Variants in DAB1 observed in about 807,000 individuals in gnomAD.
The protein encoded by DAB1 is disabled homolog 1.
A neutral mutation model predicts 64.6 loss-of-function variants in DAB1; 15 were observed. That is an observed-to-expected ratio of 0.23 (90% confidence interval 0.16 to 0.36). The LOEUF (loss-of-function observed/expected upper bound fraction) is 0.36. Among genes scored for constraint, DAB1 ranks in the 10% least tolerant of loss-of-function variants. DAB1 has a pLI of 1.00. For missense variants in DAB1, 596 were observed against 706.7 expected, an observed-to-expected ratio of 0.84 and a Z score of 1.78; for synonymous variants, 235 against 251.9, an observed-to-expected ratio of 0.93 and a Z score of 0.64.
At chr1:58,373,325 C>T (rs1262472479) in intron 3 of DAB1, among the ~76,000 whole-genome samples, 4 of 117,766 alleles carry the variant, frequency 3.4e-5, no homozygotes, top group African/African-American at 7.8e-5. Context: ...CTCCCCACTC[C>T]CCCCTCCCCA....
chr1:57,553,151 T>C (rs1430244320), intron 7 of DAB1, among the ~76,000 whole-genome samples: 1 of 151,740 alleles, frequency 6.6e-6, no homozygotes, highest in Non-Finnish European at 1.5e-5. Context: ...GAGGTACCTA[T>C]GGGTGATTTA....
chr1:57,553,545 C>G (rs1447591705), intron 7 of DAB1, among the ~76,000 whole-genome samples: 2 of 149,572 alleles, frequency 1.3e-5, no homozygotes, highest in African/African-American at 4.9e-5. Flanking sequence ...AAATTCAGAC[C>G]ACTAGGAAAA....
At chr1:57,380,670 G>A (rs1164027116) in intron 1 of DAB1, among the ~76,000 whole-genome samples, 7 of 152,312 alleles carry the variant, frequency 4.6e-5, no homozygotes, top group African/African-American at 1.7e-4. Context: ...TACAGGGCTA[G>A]GTCCAGTGGG....
chr1:57,414,009 A>C (rs562689529), intron 1 of DAB1, among the ~76,000 whole-genome samples: 2 of 152,358 alleles, frequency 1.3e-5, no homozygotes, highest in South Asian at 4.1e-4. Flanking sequence ...ATAAGGAGTT[A>C]CTTCTTATGG....
chr1:57,615,631 T>A (rs912289543), intron 7 of DAB1, among the ~76,000 whole-genome samples: 2 of 152,368 alleles, frequency 1.3e-5, no homozygotes, highest in South Asian at 4.1e-4. Context: ...TGCTGTCATT[T>A]GTACCAAATA....
chr1:58,085,014 T>C (rs1019670704), intron 5 of DAB1, among the ~76,000 whole-genome samples: 4 of 152,110 alleles, frequency 2.6e-5, no homozygotes. Context: ...TGAAAGCAGA[T>C]GGGTAGAATA....
At chr1:57,232,113 C>T (rs1667720179) in intron 2 of DAB1, among the ~76,000 whole-genome samples, 1 of 152,046 alleles carries the variant, frequency 6.6e-6, no homozygotes, top group South Asian at 2.1e-4. Flanking sequence ...TGGCCACTGC[C>T]GCCCATGCCC....
At chr1:58,107,157 T>C (rs962351481) in intron 5 of DAB1, among the ~76,000 whole-genome samples, 1 of 151,656 alleles carries the variant, frequency 6.6e-6, no homozygotes, top group Non-Finnish European at 1.5e-5. Flanking sequence ...AGATATGGGA[T>C]GCAGTAAAAG....
At chr1:57,998,376 CTT>C (rs1225227505) in intron 5 of DAB1, among the ~76,000 whole-genome samples, 1 of 144,532 alleles carries the variant, frequency 6.9e-6, no homozygotes, top group African/African-American at 2.6e-5. Context: ...GAGTCCTCAT[CTT>C]TTTTTTCTCT....
At chr1:58,538,945 G>C (rs17117720) in intron 1 of DAB1, 1 of 872,720 alleles carries the variant, frequency 1.1e-6, no homozygotes. Context: ...TGACAGACTA[G>C]GGACTGCTGT....
intron 4 of DAB1, among the ~76,000 whole-genome samples, chr1:58,298,161 G>C (rs146411891): frequency 1.3e-5 from 2 of 152,222 alleles, no homozygotes; most frequent in African/African-American, 4.8e-5. Context: ...TAGTTGTGCT[G>C]CTCATTAGCA....
chr1:57,649,735 C>G (rs1327570420), intron 6 of DAB1: 1 of 152,168 alleles, frequency 6.6e-6, no homozygotes, highest in African/African-American at 2.4e-5. Context: ...TTTTTCTTCT[C>G]TCTCAGTAAA....
chr1:58,250,339 GCAGGTCCGTGTGGGGC>G (rs936546062), intron 4 of DAB1, among the ~76,000 whole-genome samples: 3 of 152,236 alleles, frequency 2.0e-5, no homozygotes, highest in Admixed American at 2.0e-4. Context: ...CCTGGGGCTG[GCAGGTCCGTGTGGGGC>G]CAGGGCGCGC....
intron 5 of DAB1, among the ~76,000 whole-genome samples, chr1:58,006,037 C>G (rs1408924): frequency 0.4 from 60,380 of 151,914 alleles, 12,380 homozygotes; most frequent in East Asian, 0.63. Context: ...GGCAAAATAG[C>G]ACTACTATTG....
intron 5 of DAB1, among the ~76,000 whole-genome samples, chr1:58,045,874 C>T (rs1189827533): frequency 6.6e-6 from 1 of 151,736 alleles, no homozygotes; most frequent in Non-Finnish European, 1.5e-5. Flanking sequence ...GAACAAAATA[C>T]ATTATGGGTC....
At chr1:57,303,672 C>CAAAA (rs149398650) in intron 1 of DAB1, among the ~76,000 whole-genome samples, 8 of 148,686 alleles carry the variant, frequency 5.4e-5, no homozygotes, top group African/African-American at 2.0e-4. Flanking sequence ...AACAAACAAA[C>CAAAA]AAAAAAAAAC....
intron 4 of DAB1, among the ~76,000 whole-genome samples, chr1:58,163,083 G>C (rs1655630063): frequency 6.6e-6 from 1 of 152,154 alleles, no homozygotes; most frequent in South Asian, 2.1e-4. Context: ...TTCTAAGTTA[G>C]CCCTGCGAAA....
intron 1 of DAB1, among the ~76,000 whole-genome samples, chr1:57,357,280 C>T (rs770717272): frequency 6.3e-4 from 96 of 152,090 alleles, no homozygotes; most frequent in Non-Finnish European, 1.0e-3. Context: ...ATACTGACAA[C>T]AACTGAAAAG....
chr1:57,280,780 T>C (rs985789119), intron 2 of DAB1, among the ~76,000 whole-genome samples: 1 of 152,160 alleles, frequency 6.6e-6, no homozygotes, highest in South Asian at 2.1e-4. Context: ...TGCCACATAA[T>C]AAGAATCTCA....
Sources: gnomAD v4.1 joint callset for allele counts (sites outside exome capture counted in the v4.1 genomes callset) on GRCh38, gnomAD v4.1.1 for gene constraint, MANE v1.5 for transcripts, NCBI Gene and HGNC (gene_info 2026-07-23, HGNC 2026-07-21) for gene names.